Variants in NCAM2 observed in about 807,000 individuals in gnomAD.
NCAM2 encodes neural cell adhesion molecule 2.
A neutral mutation model predicts 98.1 loss-of-function variants in NCAM2; 30 were observed. The ratio of observed to expected loss-of-function variants is 0.31; its 90% CI spans 0.23 to 0.41. The LOEUF (loss-of-function observed/expected upper bound fraction) is 0.41, where lower values mean the gene tolerates loss of function less well. Among genes scored for constraint, NCAM2 ranks in the 10% least tolerant of loss-of-function variants. The probability of loss-of-function intolerance (pLI) is 1.00; values close to 1 mark genes in which losing one functional copy is unlikely to be tolerated. For synonymous variants in NCAM2, 368 were observed against 342.4 expected (o/e 1.07, Z -0.83); for missense variants, 867 against 1,005.8 (o/e 0.86, Z 1.87).
intron 1 of NCAM2, among the ~76,000 whole-genome samples, chr21:21,171,938 A>G (rs1295419646): frequency 1.3e-5 from 2 of 152,146 alleles, no homozygotes; most frequent in Non-Finnish European, 2.9e-5. Flanking sequence ...CCAAATTGCA[A>G]GAACTTCAGT....
chr21:21,039,227 A>G (rs149490458), intron 1 of NCAM2, among the ~76,000 whole-genome samples: 2 of 152,202 alleles, frequency 1.3e-5, no homozygotes, highest in African/African-American at 4.8e-5. Flanking sequence ...AGTACCTATC[A>G]TTCTATGGTC....
chr21:21,290,775 T>G (rs1366041086), intron 4 of NCAM2, among the ~76,000 whole-genome samples: 1 of 151,786 alleles, frequency 6.6e-6, no homozygotes, highest in Non-Finnish European at 1.5e-5. Flanking sequence ...GACTCTTCTA[T>G]TTGTTATTTC....
At chr21:21,272,507 C>CGCGT (rs1416877833) in intron 1 of NCAM2, among the ~76,000 whole-genome samples, 1 of 57,316 alleles carries the variant, frequency 1.7e-5, no homozygotes, top group Non-Finnish European at 3.9e-5. Flanking sequence ...TGCGCGCGCG[C>CGCGT]GCACACACAC....
At chr21:21,008,915 T>C (rs1054146598) in intron 1 of NCAM2, among the ~76,000 whole-genome samples, 1 of 152,176 alleles carries the variant, frequency 6.6e-6, no homozygotes, top group Non-Finnish European at 1.5e-5. Context: ...CGTTAATTTG[T>C]ATCAGTCATT....
intron 1 of NCAM2, among the ~76,000 whole-genome samples, chr21:21,247,160 A>C (rs956584466): frequency 1.3e-5 from 2 of 151,732 alleles, no homozygotes; most frequent in Admixed American, 6.6e-5. Context: ...TCTACTAAAA[A>C]TACAAAAATT....
intron 11 of NCAM2, among the ~76,000 whole-genome samples, chr21:21,420,186 T>C (rs1480850537): frequency 6.6e-6 from 1 of 152,072 alleles, no homozygotes; most frequent in African/African-American, 2.4e-5. Flanking sequence ...TGAAGGAAAA[T>C]AGAAAATTGA....
intron 1 of NCAM2, among the ~76,000 whole-genome samples, chr21:21,108,734 T>C (rs2066397641): frequency 6.6e-6 from 1 of 152,108 alleles, no homozygotes; most frequent in African/African-American, 2.4e-5. Context: ...GATTCAAAAT[T>C]CCTTACTAGC....
intron 1 of NCAM2, among the ~76,000 whole-genome samples, chr21:21,260,426 GA>G (rs879481538): frequency 1.3e-4 from 20 of 150,224 alleles, no homozygotes; most frequent in Non-Finnish European, 2.1e-4. Context: ...CAACACAAAA[GA>G]AAAAAAAATC....
intron 1 of NCAM2, among the ~76,000 whole-genome samples, chr21:21,116,374 T>A (rs1430660607): frequency 6.6e-6 from 1 of 152,288 alleles, no homozygotes; most frequent in Non-Finnish European, 1.5e-5. Context: ...TCTTAAGTGC[T>A]TTATAGTTTA....
chr21:21,476,707 TG>T (rs1985214539), intron 14 of NCAM2, among the ~76,000 whole-genome samples: 1 of 152,038 alleles, frequency 6.6e-6, no homozygotes, highest in African/African-American at 2.4e-5. Flanking sequence ...AGGATGGCGT[TG>T]TTTTATATTC....
intron 16 of NCAM2, 131 bp downstream of exon 16, chr21:21,509,186 C>T (rs1988201339): frequency 2.7e-6 from 2 of 731,494 alleles, no homozygotes; most frequent in Non-Finnish European, 2.2e-6. Context: ...GGACACTGCA[C>T]TGCCTGCTCT....
At chr21:21,203,708 C>A (rs2069324301) in intron 1 of NCAM2, among the ~76,000 whole-genome samples, 1 of 152,060 alleles carries the variant, frequency 6.6e-6, no homozygotes, top group Non-Finnish European at 1.5e-5. Flanking sequence ...CTGTAATAGG[C>A]AACAGTGTAA....
intron 5 of NCAM2, among the ~76,000 whole-genome samples, chr21:21,294,090 G>T (rs546038407): frequency 1.3e-5 from 2 of 151,570 alleles, no homozygotes; most frequent in Middle Eastern, 6.9e-3. Context: ...TGGTGCAAAA[G>T]TAATTGTGGT....
At chr21:21,167,821 A>G (rs1187180334) in intron 1 of NCAM2, among the ~76,000 whole-genome samples, 1 of 152,192 alleles carries the variant, frequency 6.6e-6, no homozygotes, top group African/African-American at 2.4e-5. Flanking sequence ...TCCGTAAGTA[A>G]TACAAAATAG....
intron 1 of NCAM2, among the ~76,000 whole-genome samples, chr21:21,093,749 T>C (rs996137906): frequency 3.9e-5 from 6 of 151,920 alleles, no homozygotes; most frequent in Non-Finnish European, 8.8e-5. Context: ...GTTCTTTGTC[T>C]GCAGTGCCTC....
At chr21:21,219,068 C>T (rs918607925) in intron 1 of NCAM2, among the ~76,000 whole-genome samples, 3 of 152,242 alleles carry the variant, frequency 2.0e-5, no homozygotes, top group Non-Finnish European at 4.4e-5. Context: ...TTGCCCAACC[C>T]ATGGCCCACA....
intron 1 of NCAM2, among the ~76,000 whole-genome samples, chr21:21,104,679 C>T (rs569722560): frequency 2.6e-5 from 4 of 151,960 alleles, no homozygotes; most frequent in African/African-American, 9.6e-5. Flanking sequence ...AAGGGCCTGT[C>T]GGTGGGGTGC....
intron 9 of NCAM2, among the ~76,000 whole-genome samples, chr21:21,409,055 T>C (rs2145907082): frequency 6.6e-6 from 1 of 151,922 alleles, no homozygotes; most frequent in African/African-American, 2.4e-5. Flanking sequence ...AAGTTCTAAG[T>C]AGTTAATATT....
intron 8 of NCAM2, among the ~76,000 whole-genome samples, chr21:21,371,863 G>T (rs897420137): frequency 8.3e-4 from 111 of 133,838 alleles, no homozygotes; most frequent in Non-Finnish European, 1.3e-3. Context: ...ATAAATGCGC[G>T]TGCACACACA....
Sources: allele counts gnomAD v4.1 joint callset (sites outside exome capture counted in the v4.1 genomes callset), GRCh38; gene constraint gnomAD v4.1.1; transcripts MANE v1.5; gene names NCBI Gene and HGNC (gene_info 2026-07-23, HGNC 2026-07-21).